Variants in WDR17 observed in about 807,000 individuals in gnomAD.
The protein encoded by WDR17 is WD repeat-containing protein 17.
WDR17 carries 143 observed loss-of-function variants against 161.7 expected under a neutral mutation model. The ratio of observed to expected loss-of-function variants is 0.88; its 90% CI spans 0.77 to 1.02. The LOEUF is 1.02. Ranked by LOEUF, WDR17 falls within the 50% of genes least tolerant of loss-of-function variation. The pLI is 0.00. For synonymous variants in WDR17, 517 were observed against 515.6 expected (o/e 1.00, Z -0.04); for missense variants, 1,469 against 1,520.9 (o/e 0.97, Z 0.57).
At chr4:176,136,652 G>A (rs1043101998) in intron 8 of WDR17, among the ~76,000 whole-genome samples, 1 of 151,586 alleles carries the variant, frequency 6.6e-6, no homozygotes, top group South Asian at 2.1e-4. Flanking sequence ...GACAAGGATG[G>A]AAGTAGAGTA....
At chr4:176,100,618 G>C (rs957187986) in intron 1 of WDR17, among the ~76,000 whole-genome samples, 1 of 151,992 alleles carries the variant, frequency 6.6e-6, no homozygotes, top group Admixed American at 6.6e-5. Flanking sequence ...TTTTGTTTTT[G>C]CTGCCTGTGC....
intron 1 of WDR17, among the ~76,000 whole-genome samples, chr4:176,089,481 C>T (rs1735837608): frequency 6.6e-6 from 1 of 152,132 alleles, no homozygotes; most frequent in Admixed American, 6.6e-5. Flanking sequence ...TTGTGGGTCT[C>T]TCCTATACCC....
chr4:176,135,180 G>A lies in WDR17; in HGVS notation c.1171G>A (p.Asp391Asn). 7 of 1,612,350 alleles carry A rather than the reference G, an allele frequency of 4.3e-6. No individual in the cohort carries two copies. The highest frequency in any genetic ancestry group is 5.9e-6 in the Non-Finnish European group (7 of 1,178,678). ...TAATCTTTTAGCAACAGCTTCATTT[G>A]ATGGCACTATAAAAGTCTGGGATAT... ...DPNLLATASF[D>N]GTIKVWDINT... Residue 391 changes from aspartate to asparagine, a missense_variant, in exon 8 of 29, where the codon GAT becomes AAT. Asp to Asn is a conservative substitution (Grantham distance 23). Coordinates refer to ENST00000508596, the MANE Select transcript of WDR17 (RefSeq NM_181265.4).
chr4:176,158,755 C>G (rs1162500877), intron 18 of WDR17, among the ~76,000 whole-genome samples: 1 of 152,164 alleles, frequency 6.6e-6, no homozygotes, highest in African/African-American at 2.4e-5. Context: ...TCTTCCAAGT[C>G]TATTTCATTT....
At chr4:176,099,660 C>T (rs1435844998) in intron 1 of WDR17, among the ~76,000 whole-genome samples, 1 of 152,080 alleles carries the variant, frequency 6.6e-6, no homozygotes, top group Non-Finnish European at 1.5e-5. Context: ...GCACAGTGAT[C>T]AAATCAGGGC....
chr4:176,116,815 A>C (rs1740719341), intron 3 of WDR17, among the ~76,000 whole-genome samples: 1 of 151,942 alleles, frequency 6.6e-6, no homozygotes, highest in South Asian at 2.1e-4. Flanking sequence ...TAATAGTAAA[A>C]TAATATCTTT....
At chr4:176,130,616 G>A (rs1033967750) in intron 6 of WDR17, among the ~76,000 whole-genome samples, 7 of 151,712 alleles carry the variant, frequency 4.6e-5, no homozygotes, top group Admixed American at 6.6e-5. Flanking sequence ...GTGGTGGCAG[G>A]AGCCTGTAGT....
rs1438049139 is a variant in WDR17, at chr4:176,162,093, TA to T, written c.2772del (p.Glu925AsnfsTer14). 1 of 1,612,812 alleles carries T rather than the reference TA, an allele frequency of 6.2e-7. No individual in the cohort carries two copies. The highest frequency in any genetic ancestry group is 2.2e-5 in the East Asian group (1 of 44,840). ...TTTCTAGACTCCTGCACAAAGTCAG[TA>T]AAGAACTGGCAGAATGGTATTTTCA... ...DFNELLHKVS[K>X]ELAEWYFQDG... On this transcript the variant is annotated frameshift_variant, in exon 21 of 29. Transcript: ENST00000508596. LOFTEE classifies it high-confidence loss of function.
rs1478127833 is a variant in WDR17, at chr4:176,182,700, T to C, written c.*3121T>C. 6.6e-6 allele frequency: 1 copy of C among 152,168 alleles called. No individual in the cohort carries two copies. Among genetic ancestry groups the C allele is most frequent in the Non-Finnish European group, 1.5e-5 (1 of 68,016 alleles). 9.4% of individuals were successfully genotyped at this position (152,168 alleles called of 1,614,324 possible). A position where few individuals can be genotyped will look rare whatever the true frequency, so the allele number is the denominator to read the frequency against. On this transcript the variant is annotated 3_prime_UTR_variant, in exon 29 of 29. Coordinates refer to ENST00000508596, the MANE Select transcript of WDR17 (RefSeq NM_181265.4). This position sits in a 1 kb window ranked among gnomAD's most constrained non-coding sequence, Gnocchi z 4.2. ...TACATAAATGAAATATGTACTTTCA[T>C]GCTAAAATTATATATCATGACTGTG...
At position 176,178,505 on chromosome 4, in the gene WDR17, A is replaced by G. The variant is rs542555179; in HGVS notation, c.3732+851A>G. Among the ~76,000 whole-genome samples, 9 of 152,224 alleles carry G rather than the reference A, an allele frequency of 5.9e-5. No homozygotes were observed. The South Asian group carries it at 1.5e-3, about 25-fold the overall frequency. On this transcript the variant is annotated intron_variant, in intron 28 of 28. Coordinates refer to ENST00000508596, the MANE Select transcript of WDR17 (RefSeq NM_181265.4). ...ATCTGACCTTGACCTAAAAGACACT[A>G]TCTAACCTCTCTGTAGCCAAACCTG...
chr4:176,168,627 T>C, intron 22 of WDR17, 45 bp from the exon 23 acceptor site: 1 of 1,608,962 alleles, frequency 6.2e-7, no homozygotes, highest in East Asian at 2.2e-5. Context: ...ATGTTATTTT[T>C]AAATCTTCTC....
At chr4:176,150,017 C>T in intron 14 of WDR17, 26 bp from the exon 15 acceptor site, 1 of 1,611,394 alleles carries the variant, frequency 6.2e-7, no homozygotes, top group Non-Finnish European at 8.5e-7. Flanking sequence ...GAAATCTTTT[C>T]TCACTGAATT....
intron 22 of WDR17, 48 bp downstream of exon 22, chr4:176,163,341 T>C: frequency 6.4e-7 from 1 of 1,552,338 alleles, no homozygotes; most frequent in Non-Finnish European, 8.7e-7. Context: ...ATGGAATACA[T>C]TTTTAAAACA....
intron 11 of WDR17, among the ~76,000 whole-genome samples, chr4:176,143,586 G>T (rs935891882): frequency 1.1e-4 from 17 of 152,274 alleles, no homozygotes; most frequent in Admixed American, 1.0e-3. Context: ...GGCTGAGGTG[G>T]GAGGATGGGT....
chr4:176,132,177 T>A (rs936903016), intron 7 of WDR17, among the ~76,000 whole-genome samples: 1 of 151,264 alleles, frequency 6.6e-6, no homozygotes, highest in Non-Finnish European at 1.5e-5. Flanking sequence ...CTATGAATTC[T>A]GTTTTTATGA....
At chr4:176,096,342 A>G in intron 1 of WDR17, 1 of 421,368 alleles carries the variant, frequency 2.4e-6, no homozygotes, top group East Asian at 3.6e-5. Context: ...TTTACTTGTA[A>G]AAAATTAAAA....
chr4:176,117,185 C>T (rs1740782143), intron 3 of WDR17, among the ~76,000 whole-genome samples: 1 of 151,890 alleles, frequency 6.6e-6, no homozygotes, highest in South Asian at 2.1e-4. Flanking sequence ...TGGCACAATG[C>T]TTTGTGATAT....
intron 1 of WDR17, among the ~76,000 whole-genome samples, chr4:176,079,380 G>A (rs182800508): frequency 1.3e-5 from 2 of 152,198 alleles, no homozygotes; most frequent in East Asian, 1.9e-4. Flanking sequence ...TTGTCATGGG[G>A]CTGTTTAATC....
intron 17 of WDR17, among the ~76,000 whole-genome samples, chr4:176,153,967 T>A (rs1747650444): frequency 6.6e-6 from 1 of 152,152 alleles, no homozygotes; most frequent in Non-Finnish European, 1.5e-5. Flanking sequence ...GCAGAGAAGA[T>A]CTATCAAAAG....
Sources: allele counts gnomAD v4.1 joint callset (sites outside exome capture counted in the v4.1 genomes callset), GRCh38; gene constraint gnomAD v4.1.1; non-coding constraint Gnocchi (gnomAD v3.1); transcripts MANE v1.5; gene names NCBI Gene and HGNC (gene_info 2026-07-23, HGNC 2026-07-21).